Variants in IDUA observed in about 807,000 individuals in gnomAD.
IDUA encodes the protein iduronidase alpha-L-.
In IDUA, 65 loss-of-function variants were observed where a neutral mutation model predicts 68.9. That is an observed-to-expected ratio of 0.94 (90% confidence interval 0.77 to 1.16). The LOEUF (loss-of-function observed/expected upper bound fraction) is 1.16. Ranked by LOEUF, IDUA falls within the 50% of genes most tolerant of loss-of-function variation. The probability of loss-of-function intolerance (pLI) is 0.00; values close to 1 mark genes in which losing one functional copy is unlikely to be tolerated. For synonymous variants in IDUA, 529 were observed against 433.6 expected (o/e 1.22, Z -2.73); for missense variants, 1,046 against 938.0 (o/e 1.12, Z -1.50).
chr4:1,003,321 C>G (rs1715232735), intron 10 of IDUA, 24 bp from the exon 11 acceptor site: 9 of 1,441,996 alleles, frequency 6.2e-6, no homozygotes, highest in Non-Finnish European at 8.1e-6. Context: ...CTGGAGAACC[C>G]TGAGGACCGG....
chr4:987,633 C>T (rs964595818), intron 1 of IDUA, 176 bp from the exon 2 acceptor site: 4 of 1,446,580 alleles, frequency 2.8e-6, no homozygotes, highest in Non-Finnish European at 3.6e-6. Context: ...CTGCCGTTCC[C>T]CATGAAGATG....
chr4:999,688 A>C (rs1274578664), intron 2 of IDUA: 1 of 148,726 alleles, frequency 6.7e-6, no homozygotes, highest in African/African-American at 2.5e-5. Flanking sequence ...GTCCCCTTGG[A>C]ATGCAGGCCT....
At position 1,004,535 on chromosome 4, in the gene IDUA, G is replaced by A. The variant is rs1305677285; in HGVS notation, c.*142G>A. 18 of 880,964 alleles carry A rather than the reference G, an allele frequency of 2.0e-5. No individual in the cohort carries two copies. Among genetic ancestry groups the A allele is most frequent in the East Asian group, 8.2e-5 (3 of 36,556 alleles). 54.6% of individuals were successfully genotyped at this position (880,964 alleles called of 1,614,324 possible). A position where few individuals can be genotyped will look rare whatever the true frequency, so the allele number is the denominator to read the frequency against. The stretch of plus-strand genomic sequence containing the variant: ...TTTTCTTTTATATCTTGGTACCAAC[G>A]CCCCCTTTAAAGCGGCTTTGCACAG... On this transcript the variant is annotated 3_prime_UTR_variant, in exon 14 of 14. Coordinates refer to ENST00000514224, the MANE Select transcript of IDUA (RefSeq NM_000203.5). The surrounding 1 kb of genome is among the most constrained non-coding windows in gnomAD (Gnocchi z 5.0).
chr4:999,077 C>T (rs538297573), intron 2 of IDUA, among the ~76,000 whole-genome samples: 20 of 152,030 alleles, frequency 1.3e-4, no homozygotes, highest in South Asian at 1.2e-3. Flanking sequence ...TGGTGGCGGG[C>T]GCCTGTAGTC....
chr4:1,000,599 C>G lies in IDUA; in HGVS notation c.300-13C>G. ...GGGCACCCTGCTTCCTGACGCTGAC[C>G]GTCCTTCTGCAGGGGGTCCACTGGA... is the stretch of plus-strand genomic sequence containing the variant. On this transcript the variant is annotated splice_polypyrimidine_tract_variant and intron_variant, in intron 2 of 13. Coordinates refer to ENST00000514224, the MANE Select transcript of IDUA (RefSeq NM_000203.5). The G allele has an allele frequency of 1.0e-5, 16 of 1,606,826 alleles. No individual in the cohort carries two copies. The highest frequency in any genetic ancestry group is 1.4e-5 in the Non-Finnish European group (16 of 1,174,494).
rs372273068 is a variant in IDUA at position 1,004,141 on chromosome 4, C to A, written c.1828+29C>A. On this transcript the variant is annotated intron_variant, in intron 13 of 13. Coordinates refer to ENST00000514224, the MANE Select transcript of IDUA (RefSeq NM_000203.5). The surrounding 1 kb of genome is among the most constrained non-coding windows in gnomAD (Gnocchi z 5.0). ...CGCCCACCACCCGCTGCCCTGGACT[C>A]GGCCACCCCATTCTTGGGCCTCAGG... The A allele has an allele frequency of 6.2e-7, 1 of 1,611,506 alleles. No individual in the cohort carries two copies.
chr4:987,625 G>A, intron 1 of IDUA, 184 bp from the exon 2 acceptor site: 1 of 1,443,966 alleles, frequency 6.9e-7, no homozygotes, highest in South Asian at 1.4e-5. Flanking sequence ...TACTGCTGCT[G>A]CCGTTCCCCA....
chr4:1,001,266 CCG>C (rs1715056100), intron 4 of IDUA, 200 bp from the exon 5 acceptor site: 3 of 438,544 alleles, frequency 6.8e-6, no homozygotes, highest in Non-Finnish European at 1.3e-5. Flanking sequence ...ATCACCCAGG[CCG>C]CACCCCTATC....
chr4:990,485 C>T (rs1220371323), intron 2 of IDUA: 1 of 989,976 alleles, frequency 1.0e-6, no homozygotes, highest in Non-Finnish European at 1.5e-6. Context: ...TGTGTTGCGG[C>T]CCCGTGTGTT....
chr4:987,139 G>A lies in IDUA; in HGVS notation c.55G>A (p.Ala19Thr). ...ALLALLASLL[A>T]APPVAPAEAP... Reference sequence around the variant, plus strand: ...GCTGGCGCTCCTGGCCTCGCTCCTGGCCGCGCCCCCGGTGGCCCCGGCCGA... The same window carrying A: ...GCTGGCGCTCCTGGCCTCGCTCCTGACCGCGCCCCCGGTGGCCCCGGCCGA... Residue 19 changes from alanine (A) to threonine (T), a missense_variant, in exon 1 of 14, where the codon GCC becomes ACC. Coordinates refer to ENST00000514224, the MANE Select transcript of IDUA (RefSeq NM_000203.5). 4.2e-6 allele frequency: 6 copies of A among 1,422,970 alleles called. No homozygotes were observed. Among genetic ancestry groups the A allele is most frequent in the Non-Finnish European group, 5.5e-6 (6 of 1,094,168 alleles). The allele number at this position is 1,422,970 out of a possible 1,614,324, so 88.1% of individuals were successfully genotyped here. A position where few individuals can be genotyped will look rare whatever the true frequency, so the allele number is the denominator to read the frequency against.
chr4:1,000,501 C>G, intron 2 of IDUA, 111 bp from the exon 3 acceptor site: 1 of 855,188 alleles, frequency 1.2e-6, no homozygotes, highest in Admixed American at 1.7e-5. Context: ...GGATCGGAGT[C>G]CTGTGTGGCA....
rs3822031 is a variant in IDUA at position 994,011 on chromosome 4, G to A, written c.299+6062G>A. Among the ~76,000 whole-genome samples the A allele has an allele frequency of 5.1e-4, 77 of 152,382 alleles. 1 individual carries two copies. In the East Asian group the frequency reaches 0.012, roughly 24 times the overall value. On this transcript the variant is annotated intron_variant, in intron 2 of 13. Coordinates refer to ENST00000514224, the MANE Select transcript of IDUA (RefSeq NM_000203.5). ...ACCCACAGCGCCTGGTCACCCTCAC[G>A]GCTCCTCTGCCCTCCCCTCTACCAC...
intron 2 of IDUA, 144 bp downstream of exon 2, chr4:988,093 C>T (rs1424555250): frequency 1.4e-6 from 2 of 1,451,200 alleles, no homozygotes; most frequent in Non-Finnish European, 9.1e-7. Flanking sequence ...TCCTTGCTGG[C>T]TGTGCTGGGG....
At chr4:996,661 G>C (rs79255463) in intron 2 of IDUA, among the ~76,000 whole-genome samples, 1 of 152,200 alleles carries the variant, frequency 6.6e-6, no homozygotes, top group Non-Finnish European at 1.5e-5. Flanking sequence ...CCTAGGCTGG[G>C]TGTCTAAAGT....
intron 2 of IDUA, among the ~76,000 whole-genome samples, chr4:999,073 C>T (rs534182469): frequency 8.3e-4 from 126 of 152,082 alleles, no homozygotes; most frequent in African/African-American, 2.5e-3. Context: ...GGCGTGGTGG[C>T]GGGCGCCTGT....
In IDUA at chr4:1,000,945, T is replaced by C. The variant is rs144870444; in HGVS notation, c.449T>C (p.Phe150Ser). The C allele has an allele frequency of 1.9e-6, 3 of 1,613,324 alleles. No individual in the cohort carries two copies. Among genetic ancestry groups the C allele is most frequent in the Non-Finnish European group, 8.5e-7 (1 of 1,179,934 alleles). ...FTDFEDKQQV[F>S]EWKDLVSSLA... The stretch of plus-strand genomic sequence containing the variant: ...GACTTTGAGGACAAGCAGCAGGTGT[T>C]TGAGTGGAAGGACTTGGTCTCCAGC... The change falls in exon 4 of 14, where the codon TTT (phenylalanine) becomes TCT (serine). Residue 150 changes from phenylalanine (F) to serine (S), a missense_variant. Phe to Ser is a radical substitution (Grantham distance 155). Coordinates refer to ENST00000514224, the MANE Select transcript of IDUA (RefSeq NM_000203.5).
chr4:1,003,058 CCTGGACAACGGGCT>C lies in IDUA; in HGVS notation c.1429_1442del (p.Asp477GlnfsTer27). The C allele has an allele frequency of 6.6e-7, 1 of 1,517,654 alleles. No individual in the cohort carries two copies. Among genetic ancestry groups the C allele is most frequent in the East Asian group, 2.7e-5 (1 of 36,728 alleles). 94.0% of individuals were successfully genotyped at this position (1,517,654 alleles called of 1,614,324 possible). On this transcript the variant is annotated frameshift_variant, in exon 10 of 14. Transcript: ENST00000514224. LOFTEE classifies it high-confidence loss of function. Reference sequence around the variant, plus strand: ...CAGGCCTGGTCTACGTCACGCGCTACCTGGACAACGGGCTCTGCAGCCCCGACGGCGAGTGGCGG... The same window carrying C: ...CAGGCCTGGTCTACGTCACGCGCTACCTGCAGCCCCGACGGCGAGTGGCGG...
chr4:1,002,657 T>G, intron 8 of IDUA, 75 bp from the exon 9 acceptor site: 1 of 1,216,390 alleles, frequency 8.2e-7, no homozygotes, highest in Non-Finnish European at 1.1e-6. Flanking sequence ...GAGCGAGTGG[T>G]GGGAGGCCCG....
chr4:990,886 C>A, intron 2 of IDUA: 1 of 517,984 alleles, frequency 1.9e-6, no homozygotes. Context: ...TGGTCCCCAC[C>A]AAGGCCATGG....
Sources: gnomAD v4.1 joint callset for allele counts (sites outside exome capture counted in the v4.1 genomes callset) on GRCh38, gnomAD v4.1.1 for gene constraint, Gnocchi (gnomAD v3.1) non-coding constraint, MANE v1.5 for transcripts, NCBI Gene and HGNC (gene_info 2026-07-23, HGNC 2026-07-21) for gene names.